The following PTBP2 variants were observed in gnomAD, a reference collection of about 807,000 sequenced individuals.
PTBP2 encodes the protein polypyrimidine tract binding protein 2, also known as polypyrimidine tract-binding protein 2.
PTBP2 carries 13 observed loss-of-function variants against 61.4 expected under a neutral mutation model. The ratio of observed to expected loss-of-function variants is 0.21; its 90% CI spans 0.14 to 0.34. The LOEUF is 0.34. PTBP2 is among the 10% of genes least tolerant of loss of function. The pLI is 1.00. For synonymous variants in PTBP2, 215 were observed against 218.5 expected, an observed-to-expected ratio of 0.98 and a Z score of 0.14; for missense variants, 405 against 642.6, an observed-to-expected ratio of 0.63 and a Z score of 4.00.
Position 96,775,467 on chromosome 1 carries a change from A to G in PTBP2, c.433-2118A>G, listed in dbSNP as rs182763143. Among the ~76,000 whole-genome samples, 6 of 152,314 alleles carry G rather than the reference A, an allele frequency of 3.9e-5. No homozygotes were observed. The East Asian group carries it at 1.2e-3, about 29-fold the overall frequency. On this transcript the variant is annotated intron_variant, in intron 5 of 13. Transcript: ENST00000674951. ...GTATAGTAATAAAAATGAACAAGCTACTGCTGCCTGCAAAACATGGGTAGT... is the reference window on the plus strand; with the variant it reads ...GTATAGTAATAAAAATGAACAAGCTGCTGCTGCCTGCAAAACATGGGTAGT...
intron 3 of PTBP2, among the ~76,000 whole-genome samples, chr1:96,755,697 T>G (rs1179567525): frequency 6.6e-6 from 1 of 152,124 alleles, no homozygotes; most frequent in African/African-American, 2.4e-5. Context: ...AGAATGAATC[T>G]CCAAACAATT....
chr1:96,729,501 C>CT (rs1416654068), intron 2 of PTBP2, among the ~76,000 whole-genome samples: 6 of 152,094 alleles, frequency 3.9e-5, no homozygotes, highest in African/African-American at 7.2e-5. Context: ...GGTGAGAACT[C>CT]TAAAATTTCT....
At chr1:96,759,503 C>CA (rs1304663867) in intron 3 of PTBP2, among the ~76,000 whole-genome samples, 1 of 151,932 alleles carries the variant, frequency 6.6e-6, no homozygotes. Context: ...AATATACATA[C>CA]AAAAAAGCAA....
intron 2 of PTBP2, among the ~76,000 whole-genome samples, chr1:96,734,653 T>C (rs1032775063): frequency 4.6e-5 from 7 of 152,006 alleles, no homozygotes; most frequent in Middle Eastern, 3.2e-3. Flanking sequence ...ATAGACTACA[T>C]TTACTGATTG....
chr1:96,725,493 G>C (rs1190151820), intron 2 of PTBP2, among the ~76,000 whole-genome samples: 1 of 151,802 alleles, frequency 6.6e-6, no homozygotes, highest in Non-Finnish European at 1.5e-5. Context: ...TAGAGACGGG[G>C]TTTCACCGTG....
intron 3 of PTBP2, among the ~76,000 whole-genome samples, chr1:96,760,135 C>A (rs1332081874): frequency 6.6e-6 from 1 of 151,840 alleles, no homozygotes; most frequent in African/African-American, 2.4e-5. Context: ...ACAGCCAAAC[C>A]ATATCAATGA....
intron 2 of PTBP2, among the ~76,000 whole-genome samples, chr1:96,740,255 G>A (rs9804008): frequency 0.05 from 7,687 of 152,268 alleles, 248 homozygotes; most frequent in African/African-American, 0.092. Context: ...TGGAAACTGG[G>A]AAGTCCAAGA....
intron 9 of PTBP2, among the ~76,000 whole-genome samples, 181 bp downstream of exon 9, chr1:96,805,120 TAAAC>T (rs1158611898): frequency 6.6e-6 from 1 of 152,164 alleles, no homozygotes; most frequent in African/African-American, 2.4e-5. Flanking sequence ...TTTATTTCCT[TAAAC>T]AGTCATGTCT....
intron 2 of PTBP2, among the ~76,000 whole-genome samples, chr1:96,726,463 A>G (rs1290521966): frequency 7.0e-6 from 1 of 142,196 alleles, no homozygotes; most frequent in African/African-American, 2.7e-5. Flanking sequence ...TTCGAGACGG[A>G]GTCTCGCCCG....
chr1:96,762,960 C>T (rs1365069658), intron 3 of PTBP2, among the ~76,000 whole-genome samples: 1 of 150,092 alleles, frequency 6.7e-6, no homozygotes, highest in Non-Finnish European at 1.5e-5. Context: ...GGCAGCGGCG[C>T]TCCCCACATC....
intron 2 of PTBP2, among the ~76,000 whole-genome samples, chr1:96,725,119 T>C (rs1284881106): frequency 6.6e-6 from 1 of 152,122 alleles, no homozygotes; most frequent in Non-Finnish European, 1.5e-5. Context: ...ATGGTAGATG[T>C]TGTAGGTTCC....
intron 8 of PTBP2, among the ~76,000 whole-genome samples, chr1:96,802,651 ATTTGAGGC>A (rs2101176705): frequency 6.6e-6 from 1 of 152,302 alleles, no homozygotes; most frequent in Admixed American, 6.5e-5. Context: ...TAAAAAGGGA[ATTTGAGGC>A]TTGGTACTGA....
intron 2 of PTBP2, among the ~76,000 whole-genome samples, chr1:96,744,323 TA>T (rs199715174): frequency 6.6e-6 from 1 of 152,124 alleles, no homozygotes; most frequent in East Asian, 1.9e-4. Context: ...CATATATATA[TA>T]TTTTTTAATT....
chr1:96,751,476 A>G lies in PTBP2; in HGVS notation c.91A>G (p.Asn31Asp). 6.2e-7 allele frequency: 1 copy of G among 1,612,928 alleles called. No homozygotes were observed. Among genetic ancestry groups the G allele is most frequent in the African/African-American group, 1.3e-5 (1 of 74,992 alleles). ...CAGTGTTCTCAGTAGTCCGAACTCT[A>G]ATATGAGCAGCATGGTAGTTACAGG... ...SGSVLSSPNS[N>D]MSSMVVTANG... Residue 31 changes from asparagine to aspartate, a missense_variant, in exon 3 of 14, where the codon AAT (asparagine) becomes GAT (aspartate). Coordinates refer to ENST00000674951, the MANE Select transcript of PTBP2 (RefSeq NM_021190.4).
At chr1:96,791,839 T>TTTTTTG (rs1557759315) in intron 8 of PTBP2, among the ~76,000 whole-genome samples, 4 of 138,182 alleles carry the variant, frequency 2.9e-5, no homozygotes, top group Non-Finnish European at 3.1e-5. Flanking sequence ...TTTTTTTTTT[T>TTTTTTG]TTTTTTTTTT....
intron 3 of PTBP2, among the ~76,000 whole-genome samples, chr1:96,766,451 C>T (rs764982363): frequency 8.6e-5 from 13 of 152,038 alleles, no homozygotes; most frequent in Non-Finnish European, 1.5e-4. Context: ...CTTTCATTCC[C>T]CCAGTAAACC....
downstream of PTBP2, chr1:96,816,447 AAAT>A (rs1662486466): frequency 1.3e-5 from 2 of 152,126 alleles, no homozygotes; most frequent in South Asian, 2.1e-4. Context: ...GAATATTTAG[AAAT>A]AATCAGAAAA....
At chr1:96,819,822 G>A (rs1662619173), downstream of PTBP2, 1 of 151,328 alleles carries the variant, frequency 6.6e-6, no homozygotes, top group African/African-American at 2.4e-5. Context: ...ATTTATTACT[G>A]GTATATTCAA....
chr1:96,804,456 T>C (rs1661316762), intron 8 of PTBP2, among the ~76,000 whole-genome samples: 1 of 152,184 alleles, frequency 6.6e-6, no homozygotes, highest in Admixed American at 6.5e-5. Flanking sequence ...CCTTTTACTG[T>C]AAATCGTGGA....
Sources: gnomAD v4.1 joint callset for allele counts (sites outside exome capture counted in the v4.1 genomes callset) on GRCh38, gnomAD v4.1.1 for gene constraint, MANE v1.5 for transcripts, NCBI Gene and HGNC (gene_info 2026-07-23, HGNC 2026-07-21) for gene names.